The following STEAP1B variants were observed in gnomAD, a reference collection of about 807,000 sequenced individuals.
STEAP1B encodes the protein STEAP family protein MGC87042.
STEAP1B carries 13 observed loss-of-function variants against 27.9 expected under a neutral mutation model. The observed-to-expected ratio is 0.47, with a 90% CI of 0.30 to 0.74. STEAP1B has a LOEUF of 0.74. Among genes scored for constraint, STEAP1B ranks in the 30% least tolerant of loss-of-function variants. The pLI is 0.06. For synonymous variants in STEAP1B, 86 were observed against 107.1 expected (o/e 0.80, Z 1.22); for missense variants, 250 against 298.7 (o/e 0.84, Z 1.20).
At chr7:22,491,367 G>A (rs1786318415) in intron 4 of STEAP1B, among the ~76,000 whole-genome samples, 1 of 152,164 alleles carries the variant, frequency 6.6e-6, no homozygotes, top group Admixed American at 6.5e-5. Flanking sequence ...TTTGCAGTAT[G>A]GATGGCTAGA....
intron 4 of STEAP1B, among the ~76,000 whole-genome samples, chr7:22,490,303 G>C (rs1309893269): frequency 2.0e-5 from 3 of 151,996 alleles, no homozygotes; most frequent in East Asian, 1.9e-4. Flanking sequence ...CTTTTCTCTA[G>C]TGTATTTCCA....
intron 4 of STEAP1B, among the ~76,000 whole-genome samples, chr7:22,483,785 G>A (rs1329313417): frequency 4.6e-5 from 7 of 152,140 alleles, no homozygotes; most frequent in Non-Finnish European, 1.0e-4. Flanking sequence ...AATAGGGAGA[G>A]GCAGAGAGAC....
intron 4 of STEAP1B, among the ~76,000 whole-genome samples, chr7:22,485,383 A>G (rs1320849073): frequency 6.6e-6 from 1 of 152,260 alleles, no homozygotes; most frequent in Non-Finnish European, 1.5e-5. Flanking sequence ...GAAAGCTCAG[A>G]TGATTATCAG....
chr7:22,435,111 G>T (rs1048504622), intron 4 of STEAP1B, among the ~76,000 whole-genome samples: 1 of 152,108 alleles, frequency 6.6e-6, no homozygotes, highest in African/African-American at 2.4e-5. Flanking sequence ...GTCCCAGATA[G>T]ATCTGGCCAG....
chr7:22,438,690 T>C (rs1407041612), intron 4 of STEAP1B: 1 of 1,551,796 alleles, frequency 6.4e-7, no homozygotes, highest in Non-Finnish European at 8.7e-7. Flanking sequence ...TGCCTACCAG[T>C]TGTGTCTTGG....
intron 4 of STEAP1B, among the ~76,000 whole-genome samples, chr7:22,451,030 A>G (rs1785479827): frequency 6.6e-6 from 1 of 152,060 alleles, no homozygotes. Flanking sequence ...CCTTGTCTCC[A>G]CTACAAATGC....
intron 4 of STEAP1B, among the ~76,000 whole-genome samples, chr7:22,431,396 T>C (rs740293): frequency 0.015 from 2,212 of 152,318 alleles, 23 homozygotes; most frequent in South Asian, 0.066. Context: ...CATCTTTTTT[T>C]CCAAAAGTCT....
At chr7:22,456,585 G>A (rs1252755685) in intron 4 of STEAP1B, among the ~76,000 whole-genome samples, 1 of 152,178 alleles carries the variant, frequency 6.6e-6, no homozygotes, top group South Asian at 2.1e-4. Context: ...AGACACAAAC[G>A]GAATTTTTAC....
At chr7:22,460,134 AC>A (rs1036406057) in intron 4 of STEAP1B, among the ~76,000 whole-genome samples, 3 of 151,422 alleles carry the variant, frequency 2.0e-5, no homozygotes, top group Admixed American at 1.3e-4. Flanking sequence ...ACATAGTGAA[AC>A]CCCGTCTCTA....
chr7:22,479,295 G>A (rs1786025747), intron 4 of STEAP1B, among the ~76,000 whole-genome samples: 1 of 152,172 alleles, frequency 6.6e-6, no homozygotes, highest in South Asian at 2.1e-4. Flanking sequence ...CGTGATGCCG[G>A]CGCTGCAAGG....
At chr7:22,489,201 A>T (rs1242375488) in intron 4 of STEAP1B, among the ~76,000 whole-genome samples, 1 of 152,200 alleles carries the variant, frequency 6.6e-6, no homozygotes. Context: ...GGGAGTCCTC[A>T]TTTACCTGGT....
At chr7:22,475,338 G>A (rs994684698) in intron 4 of STEAP1B, among the ~76,000 whole-genome samples, 7 of 152,184 alleles carry the variant, frequency 4.6e-5, no homozygotes, top group African/African-American at 1.2e-4. Flanking sequence ...AGGCAATGCC[G>A]TGTCCCTGCT....
chr7:22,474,045 T>C (rs17146953), intron 4 of STEAP1B, among the ~76,000 whole-genome samples: 26,110 of 152,218 alleles, frequency 0.17, 2,446 homozygotes, highest in East Asian at 0.38. Flanking sequence ...TAAACAGTTA[T>C]GGGATGCTAA....
chr7:22,438,425 T>C (rs1017561549), intron 4 of STEAP1B: 1 of 1,487,548 alleles, frequency 6.7e-7, no homozygotes, highest in Non-Finnish European at 8.9e-7. Context: ...GCTTCTACCA[T>C]GGTCTGGTCT....
At chr7:22,454,348 C>A (rs527452777) in intron 4 of STEAP1B, among the ~76,000 whole-genome samples, 329 of 152,156 alleles carry the variant, frequency 2.2e-3, no homozygotes, top group South Asian at 5.8e-3. Flanking sequence ...AGCCATTGTT[C>A]GCCGAATAAT....
At chr7:22,448,231 G>A (rs1355763783) in intron 4 of STEAP1B, among the ~76,000 whole-genome samples, 1 of 152,070 alleles carries the variant, frequency 6.6e-6, no homozygotes, top group East Asian at 1.9e-4. Context: ...ATTATGGCAC[G>A]TAGTCAATAT....
chr7:22,439,980 C>T (rs1471351551), intron 4 of STEAP1B, among the ~76,000 whole-genome samples: 1 of 152,018 alleles, frequency 6.6e-6, no homozygotes, highest in Non-Finnish European at 1.5e-5. Context: ...ACATTTGAGC[C>T]TTTAAATAAC....
rs545676825 is a variant in STEAP1B at position 22,466,773 on chromosome 7, G to A, written c.762+25792C>T. Among the ~76,000 whole-genome samples, 15 of 152,308 alleles carry A rather than the reference G, an allele frequency of 9.8e-5. 1 individual carries two copies. The South Asian group carries it at 3.1e-3, about 32-fold the overall frequency. On this transcript the variant is annotated intron_variant, in intron 4 of 4. Transcript: ENST00000678116. ...ATCTTAAAGTAAGAAGCAGTTGACA[G>A]GGCATCCCACCAGATCTGTAAGGCT...
At chr7:22,432,689 C>A (rs1785203862) in intron 4 of STEAP1B, among the ~76,000 whole-genome samples, 1 of 152,206 alleles carries the variant, frequency 6.6e-6, no homozygotes, top group African/African-American at 2.4e-5. Context: ...TGAGCCCCTT[C>A]ATTAAACTAT....
Sources: gnomAD v4.1 joint callset for allele counts (sites outside exome capture counted in the v4.1 genomes callset) on GRCh38, gnomAD v4.1.1 for gene constraint, MANE v1.5 for transcripts, NCBI Gene and HGNC (gene_info 2026-07-23, HGNC 2026-07-21) for gene names.